STIMATE: variants seen among roughly 807,000 people sequenced by gnomAD.
The protein encoded by STIMATE is STIM activating enhancer.
In STIMATE, 15 loss-of-function variants were observed where a neutral mutation model predicts 36.7. The ratio of observed to expected loss-of-function variants is 0.41; its 90% CI spans 0.27 to 0.63. The LOEUF is 0.63. Ranked by LOEUF, STIMATE falls within the 20% of genes least tolerant of loss-of-function variation. The pLI is 0.32. For missense variants in STIMATE, 305 were observed against 397.3 expected (o/e 0.77, Z 1.98); for synonymous variants, 163 against 162.3 (o/e 1.00, Z -0.03).
intron 1 of STIMATE, among the ~76,000 whole-genome samples, chr3:52,887,079 G>A (rs909183621): frequency 1.3e-5 from 2 of 151,708 alleles, no homozygotes; most frequent in Non-Finnish European, 2.9e-5. Flanking sequence ...TGGACCAGGA[G>A]AAAAAAAAGC....
intron 3 of STIMATE, among the ~76,000 whole-genome samples, chr3:52,851,687 T>A (rs1389013562): frequency 6.6e-6 from 1 of 152,192 alleles, no homozygotes; most frequent in Non-Finnish European, 1.5e-5. Flanking sequence ...ATCTCACGCC[T>A]GCGAGAACAA....
At chr3:52,867,479 G>T (rs758279025) in intron 1 of STIMATE, among the ~76,000 whole-genome samples, 6 of 152,226 alleles carry the variant, frequency 3.9e-5, no homozygotes, top group Non-Finnish European at 8.8e-5. Flanking sequence ...CCATAAGCCT[G>T]TATGCTTTCT....
chr3:52,857,293 T>C (rs1466404693), intron 1 of STIMATE, among the ~76,000 whole-genome samples: 1 of 152,096 alleles, frequency 6.6e-6, no homozygotes, highest in Non-Finnish European at 1.5e-5. Flanking sequence ...ACATCACAGA[T>C]CCCAAACCTC....
chr3:52,867,765 G>C (rs1412631208), intron 1 of STIMATE, among the ~76,000 whole-genome samples: 1 of 152,234 alleles, frequency 6.6e-6, no homozygotes, highest in Non-Finnish European at 1.5e-5. Flanking sequence ...AGAGCCAGAA[G>C]GGTCCTTGAG....
At chr3:52,842,242 C>T (rs1488952457) in intron 7 of STIMATE, among the ~76,000 whole-genome samples, 1 of 152,190 alleles carries the variant, frequency 6.6e-6, no homozygotes, top group Non-Finnish European at 1.5e-5. Flanking sequence ...GTGAGTGCTG[C>T]GGGGCCGCCA....
At chr3:52,870,719 G>A (rs776808131) in intron 1 of STIMATE, among the ~76,000 whole-genome samples, 1 of 152,136 alleles carries the variant, frequency 6.6e-6, no homozygotes, top group Non-Finnish European at 1.5e-5. Context: ...TTCTTCTCCC[G>A]CCTCACCAGC....
chr3:52,893,597 G>A (rs544002984), intron 1 of STIMATE, among the ~76,000 whole-genome samples: 138 of 152,234 alleles, frequency 9.1e-4, no homozygotes, highest in Non-Finnish European at 1.6e-3. Flanking sequence ...GGTTTACCAC[G>A]GAGAAAACCC....
chr3:52,865,812 C>T (rs1701298050), intron 1 of STIMATE, among the ~76,000 whole-genome samples: 1 of 152,176 alleles, frequency 6.6e-6, no homozygotes, highest in Non-Finnish European at 1.5e-5. Context: ...CTTCTCAGGG[C>T]CAACTACTGT....
chr3:52,895,307 T>C (rs1701848215), intron 1 of STIMATE, among the ~76,000 whole-genome samples: 1 of 152,162 alleles, frequency 6.6e-6, no homozygotes, highest in African/African-American at 2.4e-5. Context: ...CAGAGTACCA[T>C]TGCCCTGGCC....
chr3:52,866,072 T>C (rs372686720), intron 1 of STIMATE, among the ~76,000 whole-genome samples: 6 of 152,360 alleles, frequency 3.9e-5, no homozygotes, highest in African/African-American at 1.4e-4. Flanking sequence ...GTCCCTGCCA[T>C]GTGCTACCTC....
intron 1 of STIMATE, among the ~76,000 whole-genome samples, chr3:52,893,240 TATTA>T (rs1701810496): frequency 1.3e-5 from 2 of 152,144 alleles, no homozygotes; most frequent in Admixed American, 6.5e-5. Context: ...ATGGAGTTAT[TATTA>T]ATTCTCTTAA....
rs542899296 is a variant in STIMATE at position 52,876,712 on chromosome 3, T to C, written c.160+20579A>G. 5.2e-5 allele frequency among the ~76,000 whole-genome samples: 8 copies of C among 152,388 alleles called. No homozygotes were observed. In the South Asian group the frequency reaches 1.7e-3, roughly 32 times the overall value. On this transcript the variant is annotated intron_variant, in intron 1 of 7. Transcript: ENST00000355083. ...TTACTAACATTTCTTAATAACATTT[T>C]TTCTCATTTTATTGTAAGAATACCA... is the stretch of plus-strand genomic sequence containing the variant.
intron 3 of STIMATE, 62 bp from the exon 4 acceptor site, chr3:52,849,975 A>G (rs1578804650): frequency 1.3e-6 from 2 of 1,565,650 alleles, no homozygotes; most frequent in Non-Finnish European, 1.7e-6. Flanking sequence ...GTCATGGCTG[A>G]TGCAGGGTGG....
At chr3:52,882,577 C>A (rs1432166889) in intron 1 of STIMATE, among the ~76,000 whole-genome samples, 1 of 152,174 alleles carries the variant, frequency 6.6e-6, no homozygotes, top group Non-Finnish European at 1.5e-5. Context: ...TGTTGACCTA[C>A]TTGGCTAACA....
intron 6 of STIMATE, chr3:52,843,293 C>T (rs931344849): frequency 2.5e-5 from 10 of 399,184 alleles, no homozygotes; most frequent in Admixed American, 2.3e-4. Flanking sequence ...TGTGGGTGGC[C>T]GGCACACCCT....
chr3:52,893,356 T>C (rs1376465988), intron 1 of STIMATE, among the ~76,000 whole-genome samples: 2 of 151,998 alleles, frequency 1.3e-5, no homozygotes, highest in Non-Finnish European at 2.9e-5. Context: ...ACAATTTACC[T>C]TCAAATGGCT....
chr3:52,879,518 C>T (rs564731690), intron 1 of STIMATE, among the ~76,000 whole-genome samples: 101 of 152,240 alleles, frequency 6.6e-4, no homozygotes, highest in Non-Finnish European at 9.6e-4. Context: ...AAGTGATACA[C>T]GAGAAGCATG....
chr3:52,842,710 C>G (rs567305268), intron 7 of STIMATE, 101 bp downstream of exon 7: 1 of 1,569,166 alleles, frequency 6.4e-7, no homozygotes, highest in Non-Finnish European at 8.6e-7. Context: ...CGCACTGTGA[C>G]TCTGCACTCA....
chr3:52,896,864 T>C (rs1701872449), intron 1 of STIMATE, among the ~76,000 whole-genome samples: 1 of 152,096 alleles, frequency 6.6e-6, no homozygotes, highest in Admixed American at 6.5e-5. Context: ...AGGCAGATCC[T>C]TGAAGAGTGA....
Sources: allele counts gnomAD v4.1 joint callset (sites outside exome capture counted in the v4.1 genomes callset), GRCh38; gene constraint gnomAD v4.1.1; transcripts MANE v1.5; gene names NCBI Gene and HGNC (gene_info 2026-07-23, HGNC 2026-07-21).